Variants in HHAT observed in about 807,000 individuals in gnomAD.
The protein encoded by HHAT is protein-cysteine N-palmitoyltransferase HHAT.
HHAT carries 47 observed loss-of-function variants against 70.8 expected under a neutral mutation model. The ratio of observed to expected loss-of-function variants is 0.66; its 90% confidence interval spans 0.53 to 0.85. The LOEUF (loss-of-function observed/expected upper bound fraction) is 0.85. HHAT is among the 40% of genes least tolerant of loss of function. HHAT has a pLI of 0.00. For missense variants in HHAT, 609 were observed against 604.8 expected (o/e 1.01, Z -0.07); for synonymous variants, 228 against 247.6 (o/e 0.92, Z 0.74).
intron 10 of HHAT, among the ~76,000 whole-genome samples, chr1:210,616,073 T>A (rs928043902): frequency 6.6e-5 from 10 of 152,172 alleles, no homozygotes; most frequent in South Asian, 2.1e-4. Context: ...CTTTAAAAAT[T>A]TTTAAATGAC....
At chr1:210,419,562 G>C (rs2092831560) in intron 7 of HHAT, among the ~76,000 whole-genome samples, 1 of 152,160 alleles carries the variant, frequency 6.6e-6, no homozygotes, top group Non-Finnish European at 1.5e-5. Context: ...AGATCAAGCT[G>C]TTCCCTGCTG....
intron 11 of HHAT, among the ~76,000 whole-genome samples, chr1:210,661,184 T>C (rs1255870297): frequency 6.6e-6 from 1 of 151,654 alleles, no homozygotes. Context: ...AAAGGGCTAA[T>C]ATCCAGAATC....
At chr1:210,404,744 C>A in intron 6 of HHAT, 65 bp downstream of exon 6, 1 of 1,311,706 alleles carries the variant, frequency 7.6e-7, no homozygotes, top group South Asian at 1.3e-5. Flanking sequence ...TTGCTCTGGT[C>A]TTCTCTGACT....
intron 3 of HHAT, among the ~76,000 whole-genome samples, chr1:210,385,387 T>A (rs914636015): frequency 2.0e-5 from 3 of 152,144 alleles, no homozygotes; most frequent in African/African-American, 7.2e-5. Flanking sequence ...TTATTTACAT[T>A]TGTTTAGTTA....
At chr1:210,653,011 T>C (rs756237713) in intron 11 of HHAT, among the ~76,000 whole-genome samples, 47 of 152,130 alleles carry the variant, frequency 3.1e-4, no homozygotes, top group Non-Finnish European at 6.0e-4. Context: ...AGGATATCCA[T>C]TGTAATAGCA....
At chr1:210,399,715 G>A (rs1243619195) in intron 4 of HHAT, among the ~76,000 whole-genome samples, 1 of 152,074 alleles carries the variant, frequency 6.6e-6, no homozygotes, top group African/African-American at 2.4e-5. Context: ...TTCCCCATCA[G>A]GTCTGACCAA....
intron 7 of HHAT, among the ~76,000 whole-genome samples, chr1:210,432,486 T>C (rs1312102495): frequency 6.6e-6 from 1 of 151,940 alleles, no homozygotes; most frequent in Non-Finnish European, 1.5e-5. Context: ...CATAATTGAC[T>C]TTGGTCATGG....
At chr1:210,596,684 T>G (rs909657601) in intron 10 of HHAT, among the ~76,000 whole-genome samples, 1 of 152,134 alleles carries the variant, frequency 6.6e-6, no homozygotes, top group Admixed American at 6.6e-5. Context: ...TTTCAGTGTC[T>G]GTTAAATTTA....
chr1:210,498,774 CTTTTTTTTTTTT>C (rs36053258), intron 8 of HHAT, among the ~76,000 whole-genome samples: 1 of 119,858 alleles, frequency 8.3e-6, no homozygotes, highest in Non-Finnish European at 1.8e-5. Context: ...TTTTTTTTTT[CTTTTTTTTTTTT>C]TTTGAGACGG....
chr1:210,396,006 GACCCC>G (rs2091763559), intron 4 of HHAT, among the ~76,000 whole-genome samples: 1 of 152,192 alleles, frequency 6.6e-6, no homozygotes, highest in African/African-American at 2.4e-5. Context: ...AGTAGAGTCA[GACCCC>G]ATTTTGAGAG....
chr1:210,475,734 C>A (rs983331101), intron 8 of HHAT, among the ~76,000 whole-genome samples: 2 of 152,124 alleles, frequency 1.3e-5, no homozygotes, highest in Non-Finnish European at 2.9e-5. Context: ...CCTTGTAGGG[C>A]GAATGGCGTA....
intron 9 of HHAT, among the ~76,000 whole-genome samples, chr1:210,573,939 G>C (rs1657000934): frequency 6.6e-6 from 1 of 152,214 alleles, no homozygotes. Flanking sequence ...ATGAAGGAAA[G>C]AGCAGGAGAC....
chr1:210,400,621 C>G lies in HHAT; in HGVS notation c.427C>G (p.Leu143Val). Residue 143 changes from leucine (L) to valine (V), a missense_variant, in exon 5 of 12, where the codon CTC becomes GTC. Coordinates refer to ENST00000261458, the MANE Select transcript of HHAT (RefSeq NM_018194.6). ...QLLTWLCSLL[L>V]LSTLRLQGVE... is the part of the protein sequence containing the mutation. ...CCTGACGTGGCTCTGTTCTCTCCTC[C>G]TCCTCTCCACACTGAGGCTGCAGGG... 1 of 1,614,108 alleles carries G rather than the reference C, an allele frequency of 6.2e-7. No individual in the cohort carries two copies. Among genetic ancestry groups the G allele is most frequent in the East Asian group, 2.2e-5 (1 of 44,880 alleles).
chr1:210,494,569 T>TG (rs1491537264), intron 8 of HHAT, among the ~76,000 whole-genome samples: 17 of 122,694 alleles, frequency 1.4e-4, no homozygotes, highest in African/African-American at 4.8e-4. Context: ...TTTTTTTTTT[T>TG]GAGACAGAGT....
chr1:210,486,695 C>G (rs557763003), intron 8 of HHAT, among the ~76,000 whole-genome samples: 1 of 152,264 alleles, frequency 6.6e-6, no homozygotes, highest in South Asian at 2.1e-4. Context: ...TCCAATAGTA[C>G]CTTTTCTATA....
chr1:210,340,248 A>AGGG (rs1558310364), intron 1 of HHAT, among the ~76,000 whole-genome samples: 28 of 78,650 alleles, frequency 3.6e-4, no homozygotes, highest in African/African-American at 1.9e-3. Flanking sequence ...CTCAGAAAAA[A>AGGG]AAAAAAAAAA....
intron 3 of HHAT, among the ~76,000 whole-genome samples, chr1:210,382,242 C>A (rs188138578): frequency 1.6e-4 from 24 of 152,274 alleles, no homozygotes; most frequent in Admixed American, 1.0e-3. Flanking sequence ...GGGGACGACC[C>A]CTTCTCCACG....
intron 1 of HHAT, among the ~76,000 whole-genome samples, chr1:210,343,730 G>C (rs1408190642): frequency 6.6e-6 from 1 of 152,182 alleles, no homozygotes; most frequent in Non-Finnish European, 1.5e-5. Context: ...TTGGGCGTCA[G>C]AAGAGGAATG....
chr1:210,344,547 G>C (rs1211810320), intron 1 of HHAT, among the ~76,000 whole-genome samples: 7 of 152,176 alleles, frequency 4.6e-5, no homozygotes, highest in Non-Finnish European at 8.8e-5. Flanking sequence ...GTCCAAGGCA[G>C]GGGGCTCTGA....
Sources: gnomAD v4.1 joint callset for allele counts (sites outside exome capture counted in the v4.1 genomes callset) on GRCh38, gnomAD v4.1.1 for gene constraint, MANE v1.5 for transcripts, NCBI Gene and HGNC (gene_info 2026-07-23, HGNC 2026-07-21) for gene names.